The following AGBL1 variants were observed in gnomAD, a reference collection of about 807,000 sequenced individuals.
The protein encoded by AGBL1 is AGBL carboxypeptidase 1, also known as cytosolic carboxypeptidase 4.
A neutral mutation model predicts 118.9 loss-of-function variants in AGBL1; 130 were observed. The ratio of observed to expected loss-of-function variants is 1.09; its 90% CI spans 0.95 to 1.26. The LOEUF is 1.26. AGBL1 is among the 50% of genes most tolerant of loss of function. The probability of loss-of-function intolerance (pLI) is 0.00; values close to 1 mark genes in which losing one functional copy is unlikely to be tolerated. For missense variants in AGBL1, 1,584 were observed against 1,298.1 expected (o/e 1.22, Z -3.38); for synonymous variants, 555 against 478.9 (o/e 1.16, Z -2.08).
At chr15:86,885,706 A>G (rs1372608204) in intron 22 of AGBL1, among the ~76,000 whole-genome samples, 1 of 152,220 alleles carries the variant, frequency 6.6e-6, no homozygotes, top group African/African-American at 2.4e-5. Context: ...CTAAAATAGA[A>G]TAAGACATCC....
chr15:86,121,844 T>C (rs1487056226), intron 1 of AGBL1, among the ~76,000 whole-genome samples: 1 of 152,214 alleles, frequency 6.6e-6, no homozygotes, highest in Non-Finnish European at 1.5e-5. Flanking sequence ...CAGTGTGGTA[T>C]AGTTCAGTGT....
intron 3 of AGBL1, among the ~76,000 whole-genome samples, chr15:86,150,920 A>T (rs541289137): frequency 6.6e-6 from 1 of 152,214 alleles, no homozygotes; most frequent in South Asian, 2.1e-4. Context: ...TATCTCAATG[A>T]TAGACTGGAT....
intron 5 of AGBL1, among the ~76,000 whole-genome samples, chr15:86,182,895 A>G (rs1267567952): frequency 6.6e-6 from 1 of 152,182 alleles, no homozygotes; most frequent in East Asian, 1.9e-4. Flanking sequence ...GAAGTAGTGT[A>G]GTGGAACAGG....
chr15:86,509,236 G>C (rs759563187), intron 18 of AGBL1, among the ~76,000 whole-genome samples: 42 of 152,096 alleles, frequency 2.8e-4, no homozygotes, highest in Non-Finnish European at 4.6e-4. Flanking sequence ...TCATGAAAGG[G>C]GCGAGGCTTG....
intron 18 of AGBL1, among the ~76,000 whole-genome samples, chr15:86,403,618 G>A (rs980961015): frequency 6.6e-6 from 1 of 152,136 alleles, no homozygotes; most frequent in Non-Finnish European, 1.5e-5. Flanking sequence ...CAAGAAAGAA[G>A]CTAGTTCCTT....
intron 22 of AGBL1, among the ~76,000 whole-genome samples, chr15:86,713,897 C>T (rs2086599052): frequency 6.6e-6 from 1 of 152,048 alleles, no homozygotes; most frequent in African/African-American, 2.4e-5. Flanking sequence ...AGCATTTGAC[C>T]AAGTTGAGCA....
At chr15:86,800,642 A>T (rs376944458) in intron 22 of AGBL1, among the ~76,000 whole-genome samples, 1 of 152,190 alleles carries the variant, frequency 6.6e-6, no homozygotes, top group Non-Finnish European at 1.5e-5. Flanking sequence ...TAATTTAAAA[A>T]TTAAATATGG....
chr15:86,532,054 C>G (rs2083357166), intron 19 of AGBL1, among the ~76,000 whole-genome samples: 2 of 151,562 alleles, frequency 1.3e-5, no homozygotes, highest in Non-Finnish European at 1.5e-5. Flanking sequence ...TGGCACAAGA[C>G]AGGGATGCCC....
At chr15:86,991,286 A>G (rs1168619017) in intron 24 of AGBL1, among the ~76,000 whole-genome samples, 1 of 152,124 alleles carries the variant, frequency 6.6e-6, no homozygotes. Context: ...GTGATGGCAC[A>G]GAACACCAAC....
At chr15:86,899,314 T>C (rs1399836853) in intron 22 of AGBL1, among the ~76,000 whole-genome samples, 1 of 152,112 alleles carries the variant, frequency 6.6e-6, no homozygotes, top group African/African-American at 2.4e-5. Context: ...GTGTTATCAC[T>C]TATAAGTGGG....
chr15:86,388,590 CAA>C (rs1263457238), intron 17 of AGBL1, among the ~76,000 whole-genome samples: 3 of 152,076 alleles, frequency 2.0e-5, no homozygotes, highest in Non-Finnish European at 4.4e-5. Flanking sequence ...GATCTCAAAC[CAA>C]AGTCTTCCAA....
rs759295070 is a variant in AGBL1, at chr15:86,258,050, G to T, written c.969+19G>T. The T allele has an allele frequency of 6.2e-7, 1 of 1,610,344 alleles. No homozygotes were observed. The highest frequency in any genetic ancestry group is 8.5e-7 in the Non-Finnish European group (1 of 1,177,722). On this transcript the variant is annotated intron_variant, in intron 9 of 22. Transcript: ENST00000614907. ...AGTGGAAGTAGGTACACCAGCCCAT[G>T]CTTCTAATGATGTCCATAGTCACAT...
At chr15:87,027,432 A>G (rs8024660) in intron 24 of AGBL1, among the ~76,000 whole-genome samples, 78,324 of 151,338 alleles carry the variant, frequency 0.52, 21,333 homozygotes, top group African/African-American at 0.68. Context: ...TACCCAGAGG[A>G]ATATAAATAA....
chr15:86,631,949 G>C (rs995485288), intron 21 of AGBL1, among the ~76,000 whole-genome samples: 1 of 151,842 alleles, frequency 6.6e-6, no homozygotes, highest in African/African-American at 2.4e-5. Flanking sequence ...AGCACTTTGA[G>C]AGGCCCGAGG....
At chr15:86,464,463 C>G (rs1455445690) in intron 18 of AGBL1, among the ~76,000 whole-genome samples, 1 of 152,202 alleles carries the variant, frequency 6.6e-6, no homozygotes, top group Non-Finnish European at 1.5e-5. Flanking sequence ...CTGGCCAGAA[C>G]TTCCAATACT....
rs79763545 is a variant in AGBL1, at chr15:86,515,620, A to G, written c.2556-7190A>G. Reference sequence around the variant, plus strand: ...AAATAAATGACCCTTAGTTTTATCTACTAAATAATGTTATGTTGTTCAAAA... The same window carrying G: ...AAATAAATGACCCTTAGTTTTATCTGCTAAATAATGTTATGTTGTTCAAAA... On this transcript the variant is annotated intron_variant, in intron 18 of 22. Coordinates refer to ENST00000614907, the MANE Select transcript of AGBL1 (RefSeq NM_001386094.1). Among the ~76,000 whole-genome samples, 33 of 152,334 alleles carry G rather than the reference A, an allele frequency of 2.2e-4. 1 individual carries two copies. The East Asian group carries it at 5.2e-3, about 24-fold the overall frequency.
At chr15:86,242,280 A>T (rs2078652923) in intron 6 of AGBL1, among the ~76,000 whole-genome samples, 1 of 152,228 alleles carries the variant, frequency 6.6e-6, no homozygotes, top group African/African-American at 2.4e-5. Context: ...AATAAAAAAA[A>T]AATAGATGAT....
At chr15:86,892,001 C>G (rs371073901) in intron 22 of AGBL1, among the ~76,000 whole-genome samples, 3 of 152,316 alleles carry the variant, frequency 2.0e-5, no homozygotes, top group South Asian at 4.1e-4. Context: ...TGACCATACT[C>G]TCAGTGAACC....
At chr15:86,335,452 C>T (rs1038740223) in intron 17 of AGBL1, among the ~76,000 whole-genome samples, 3 of 151,844 alleles carry the variant, frequency 2.0e-5, no homozygotes, top group Admixed American at 6.6e-5. Context: ...TTGAGAAGTT[C>T]GAAGAAGCTT....
Sources: gnomAD v4.1 joint callset for allele counts (sites outside exome capture counted in the v4.1 genomes callset) on GRCh38, gnomAD v4.1.1 for gene constraint, MANE v1.5 for transcripts, NCBI Gene and HGNC (gene_info 2026-07-23, HGNC 2026-07-21) for gene names.